GOLGB1: variants seen among roughly 807,000 people sequenced by gnomAD.
GOLGB1 encodes the protein golgin B1.
A neutral mutation model predicts 336.9 loss-of-function variants in GOLGB1; 174 were observed. The observed-to-expected ratio is 0.52, with a 90% CI of 0.46 to 0.59. GOLGB1 has a LOEUF of 0.59. Ranked by LOEUF, GOLGB1 falls within the 20% of genes least tolerant of loss-of-function variation. The pLI is 0.00. For missense variants in GOLGB1, 3,331 were observed against 3,645.3 expected (o/e 0.91, Z 2.22); for synonymous variants, 1,208 against 1,289.2 (o/e 0.94, Z 1.35).
intron 8 of GOLGB1, among the ~76,000 whole-genome samples, chr3:121,717,923 C>T (rs1944902467): frequency 6.6e-6 from 1 of 152,280 alleles, no homozygotes; most frequent in East Asian, 1.9e-4. Flanking sequence ...ACATCGTATA[C>T]ACATAGCCTA....
At chr3:121,733,332 A>G (rs897792352) in intron 1 of GOLGB1, among the ~76,000 whole-genome samples, 10 of 151,784 alleles carry the variant, frequency 6.6e-5, no homozygotes, top group Non-Finnish European at 4.4e-5. Context: ...TCCCATTACA[A>G]TGAACAAGAG....
intron 10 of GOLGB1, among the ~76,000 whole-genome samples, chr3:121,714,115 T>C (rs999442499): frequency 1.3e-5 from 2 of 152,192 alleles, no homozygotes; most frequent in Non-Finnish European, 2.9e-5. Flanking sequence ...GCCTAGATGC[T>C]AGAAACCAAG....
intron 10 of GOLGB1, among the ~76,000 whole-genome samples, chr3:121,708,794 G>A (rs1036068696): frequency 2.0e-5 from 3 of 151,844 alleles, no homozygotes; most frequent in Non-Finnish European, 2.9e-5. Context: ...TCTAATTATC[G>A]AATAGAAGGC....
intron 14 of GOLGB1, among the ~76,000 whole-genome samples, chr3:121,689,306 A>T (rs1166442803): frequency 6.6e-6 from 1 of 152,274 alleles, no homozygotes; most frequent in Non-Finnish European, 1.5e-5. Context: ...TTCTGTACTA[A>T]GAAAAAATCT....
chr3:121,686,874 A>G (rs1242418091), intron 14 of GOLGB1, among the ~76,000 whole-genome samples: 1 of 152,226 alleles, frequency 6.6e-6, no homozygotes, highest in African/African-American at 2.4e-5. Context: ...ATGGGTAAGT[A>G]GGAAGTACCA....
chr3:121,667,718 GC>G, intron 19 of GOLGB1, 108 bp from the exon 20 acceptor site: 1 of 959,834 alleles, frequency 1.0e-6, no homozygotes, highest in East Asian at 2.5e-5. Context: ...ATCCATAGAA[GC>G]TTGTCTAAAC....
chr3:121,749,055 T>C (rs1206837123), intron 1 of GOLGB1: 1 of 247,236 alleles, frequency 4.0e-6, no homozygotes, highest in Non-Finnish European at 6.4e-6. Flanking sequence ...TTGGGATCTT[T>C]CCTCTCTTCT....
intron 1 of GOLGB1, among the ~76,000 whole-genome samples, chr3:121,738,843 C>T (rs1021789996): frequency 1.3e-5 from 2 of 152,048 alleles, no homozygotes; most frequent in Non-Finnish European, 2.9e-5. Flanking sequence ...GCAGGAAATC[C>T]GAGAAATCCA....
intron 17 of GOLGB1, among the ~76,000 whole-genome samples, chr3:121,670,757 G>GA (rs1028085663): frequency 9.5e-5 from 13 of 136,154 alleles, no homozygotes; most frequent in Non-Finnish European, 6.2e-5. Flanking sequence ...TTTTCTTTTG[G>GA]GGGGGGGGGT....
intron 6 of GOLGB1, among the ~76,000 whole-genome samples, chr3:121,720,654 T>C (rs748308892): frequency 1.7e-4 from 26 of 152,226 alleles, no homozygotes; most frequent in African/African-American, 2.4e-5. Context: ...ATCTGAATTG[T>C]GACCTCACTA....
Position 121,717,129 on chromosome 3 carries a change from T to C in GOLGB1, c.896A>G (p.Gln299Arg), listed in dbSNP as rs1000226948. The C allele has an allele frequency of 1.2e-6, 2 of 1,600,424 alleles. No individual in the cohort carries two copies. The highest frequency in any genetic ancestry group is 3.5e-5 in the Admixed American group (2 of 57,096). Residue 299 changes from glutamine (Q) to arginine (R), a missense_variant, in exon 9 of 22, where the codon CAG (glutamine) becomes CGG (arginine). Physicochemically the swap from Gln to Arg is conservative, Grantham distance 43. Coordinates refer to ENST00000614479, the MANE Select transcript of GOLGB1 (RefSeq NM_001366282.2). ...AAEQRNQILS[Q>R]QLQQMEAEHN... is the part of the protein sequence containing the mutation. ...CTCAGCTTCCATCTGCTGTAACTGC[T>C]GAGAGAGAATCTAAGAAAAAAGACA...
chr3:121,671,713 T>C (rs557841436), intron 17 of GOLGB1, among the ~76,000 whole-genome samples: 3 of 152,336 alleles, frequency 2.0e-5, no homozygotes, highest in South Asian at 2.1e-4. Context: ...TAATCACCTA[T>C]TGATTTACCT....
chr3:121,718,474 C>G lies in GOLGB1; in HGVS notation c.799G>C (p.Glu267Gln), dbSNP rs1038445935. Residue 267 changes from glutamate to glutamine, a missense_variant, in exon 8 of 22, where the codon GAG becomes CAG. Glu to Gln is a conservative substitution (Grantham distance 29, BLOSUM62 2). Transcript: ENST00000614479. ...QKLRVLQRKL[E>Q]EHEESLVGRA... ...CCCACCAAGGATTCTTCGTGTTCCT[C>G]AAGCTTCCTTTGCAGCACCCTCAAT... The G allele has an allele frequency of 1.9e-6, 3 of 1,613,596 alleles. No individual in the cohort carries two copies. The highest frequency in any genetic ancestry group is 2.5e-6 in the Non-Finnish European group (3 of 1,179,626).
chr3:121,708,569 G>C (rs1438378771), intron 10 of GOLGB1, among the ~76,000 whole-genome samples: 4 of 152,084 alleles, frequency 2.6e-5, no homozygotes, highest in African/African-American at 9.7e-5. Context: ...GGAAGTTAAG[G>C]CTATAGTGAG....
intron 18 of GOLGB1, among the ~76,000 whole-genome samples, chr3:121,668,672 CAAAAAAA>C (rs138891151): frequency 4.5e-5 from 3 of 66,634 alleles, no homozygotes; most frequent in African/African-American, 1.4e-4. Flanking sequence ...GACTCCGTCT[CAAAAAAA>C]AAAAAAAAAA....
chr3:121,708,409 A>G (rs1007851909), intron 10 of GOLGB1, among the ~76,000 whole-genome samples: 4 of 152,066 alleles, frequency 2.6e-5, no homozygotes, highest in African/African-American at 9.7e-5. Context: ...AGGCAGGAGG[A>G]TCACTTGAGC....
In GOLGB1 at chr3:121,725,187, C is replaced by T. The variant is rs202077050; in HGVS notation, c.531+1726G>A. ...ACTAGAGTAATGCCTAGTGGAATCA[C>T]GGTGTGGGACTACCACTGCCATACC... On this transcript the variant is annotated intron_variant, in intron 5 of 21. Coordinates refer to ENST00000614479, the MANE Select transcript of GOLGB1 (RefSeq NM_001366282.2). 3.9e-5 allele frequency among the ~76,000 whole-genome samples: 6 copies of T among 152,070 alleles called. No homozygotes were observed. The East Asian group carries it at 5.8e-4, about 15-fold the overall frequency.
At chr3:121,679,469 G>T (rs552242259) in intron 15 of GOLGB1, among the ~76,000 whole-genome samples, 1 of 152,118 alleles carries the variant, frequency 6.6e-6, no homozygotes, top group Admixed American at 6.6e-5. Flanking sequence ...ATCCCAAACC[G>T]GATACTGGAG....
chr3:121,738,998 C>T (rs1355783275), intron 1 of GOLGB1, among the ~76,000 whole-genome samples: 1 of 152,140 alleles, frequency 6.6e-6, no homozygotes, highest in Non-Finnish European at 1.5e-5. Flanking sequence ...CGTGCTAGCT[C>T]ATCCTGTAAT....
Sources: gnomAD v4.1 joint callset for allele counts (sites outside exome capture counted in the v4.1 genomes callset) on GRCh38, gnomAD v4.1.1 for gene constraint, MANE v1.5 for transcripts, NCBI Gene and HGNC (gene_info 2026-07-23, HGNC 2026-07-21) for gene names.